RPS6KA3: variants seen among roughly 807,000 people sequenced by gnomAD.
RPS6KA3 encodes the protein ribosomal protein S6 kinase A3.
RPS6KA3 carries 4 observed loss-of-function variants against 67.2 expected under a neutral mutation model. The observed-to-expected ratio is 0.06, with a 90% CI of 0.03 to 0.14. The LOEUF (loss-of-function observed/expected upper bound fraction) is 0.14. RPS6KA3 is among the 10% of genes least tolerant of loss of function. RPS6KA3 has a pLI of 1.00. For missense variants in RPS6KA3, 204 were observed against 559.0 expected (o/e 0.36, Z 6.40); for synonymous variants, 182 against 183.7 (o/e 0.99, Z 0.07).
At chrX:20,255,259 T>C (rs1005444499) in intron 1 of RPS6KA3, among the ~76,000 whole-genome samples, 1 of 111,402 alleles carries the variant, frequency 9.0e-6, no homozygotes, top group African/African-American at 3.3e-5. Context: ...TCCATTAATA[T>C]GAAATGTCCA....
intron 2 of RPS6KA3, among the ~76,000 whole-genome samples, chrX:20,216,000 TTAA>T (rs35257847): frequency 0.32 from 35,819 of 110,747 alleles, 5,486 homozygotes; most frequent in African/African-American, 0.58. Context: ...AAATATTATG[TTAA>T]TAAACTGGAA....
At chrX:20,173,257 A>G (rs1203638940) in intron 14 of RPS6KA3, among the ~76,000 whole-genome samples, 1 of 112,170 alleles carries the variant, frequency 8.9e-6, no homozygotes, top group Non-Finnish European at 1.9e-5. Flanking sequence ...GAAAGGATTT[A>G]GGAGGATTCA....
intron 20 of RPS6KA3, among the ~76,000 whole-genome samples, chrX:20,158,558 T>C (rs1259069789): frequency 9.1e-6 from 1 of 110,157 alleles, no homozygotes; most frequent in African/African-American, 3.3e-5. Context: ...GGATACGCAA[T>C]TGAACAGAGC....
chrX:20,207,301 C>T lies in RPS6KA3; in HGVS notation c.243+1987G>A, dbSNP rs368344395. The stretch of plus-strand genomic sequence containing the variant: ...AGGGACTAGAAATATACATCAAGAA[C>T]GCTTCCCAAGTTTCTAAATTGCTTA... On this transcript the variant is annotated intron_variant, in intron 3 of 21. Coordinates refer to ENST00000379565, the MANE Select transcript of RPS6KA3 (RefSeq NM_004586.3). Among the ~76,000 whole-genome samples the T allele has an allele frequency of 8.9e-4, 99 of 111,492 alleles. 5 individuals are homozygous for T. Among genetic ancestry groups the T allele is most frequent in the East Asian group, 5.6e-4 (2 of 3,566 alleles).
intron 4 of RPS6KA3, among the ~76,000 whole-genome samples, chrX:20,197,972 C>A (rs1246086559): frequency 1.8e-5 from 2 of 111,814 alleles, no homozygotes; most frequent in African/African-American, 6.5e-5. Context: ...GTTCCTAGGA[C>A]TATGCATTAA....
chrX:20,168,456 T>C (rs2067493689), intron 16 of RPS6KA3, among the ~76,000 whole-genome samples: 1 of 111,458 alleles, frequency 9.0e-6, no homozygotes, highest in Non-Finnish European at 1.9e-5. Context: ...ATCAGGTGTA[T>C]GAGAAAGGGT....
intron 2 of RPS6KA3, among the ~76,000 whole-genome samples, chrX:20,221,076 A>C (rs761410889): frequency 8.9e-6 from 1 of 112,438 alleles, no homozygotes; most frequent in African/African-American, 3.2e-5. Context: ...TCTCCTAACC[A>C]GAATGTGAGC....
At chrX:20,181,411 C>T (rs1046784648) in intron 10 of RPS6KA3, among the ~76,000 whole-genome samples, 4 of 110,894 alleles carry the variant, frequency 3.6e-5, no homozygotes, top group Non-Finnish European at 7.6e-5. Flanking sequence ...GTGTCAAATA[C>T]TCAGAGATGC....
intron 1 of RPS6KA3, among the ~76,000 whole-genome samples, chrX:20,244,498 T>C (rs895199509): frequency 8.9e-6 from 1 of 112,666 alleles, no homozygotes; most frequent in Non-Finnish European, 1.9e-5. Flanking sequence ...CTACCTGTGT[T>C]ACACATATTC....
At chrX:20,252,225 T>C (rs1260212573) in intron 1 of RPS6KA3, among the ~76,000 whole-genome samples, 1 of 112,016 alleles carries the variant, frequency 8.9e-6, no homozygotes, top group Non-Finnish European at 1.9e-5. Flanking sequence ...GATTGCTCAC[T>C]GAGGCATTTT....
chrX:20,235,607 A>G (rs888199782), intron 1 of RPS6KA3: 5 of 111,303 alleles, frequency 4.5e-5, no homozygotes, highest in Non-Finnish European at 9.4e-5. Context: ...TGCCTTTCAA[A>G]TTGGTAATGA....
At chrX:20,235,983 T>A (rs1049227833) in intron 1 of RPS6KA3, among the ~76,000 whole-genome samples, 2 of 111,620 alleles carry the variant, frequency 1.8e-5, no homozygotes, top group East Asian at 5.6e-4. Flanking sequence ...TATGCAGTCA[T>A]TAAAATGATG....
chrX:20,234,901 T>C, intron 1 of RPS6KA3, 87 bp from the exon 2 acceptor site: 1 of 656,818 alleles, frequency 1.5e-6, no homozygotes, highest in Non-Finnish European at 2.5e-6. Flanking sequence ...AAAAAAAAAA[T>C]TGAGGAAGAT....
chrX:20,180,749 C>T (rs888938528), intron 10 of RPS6KA3, among the ~76,000 whole-genome samples: 1 of 112,131 alleles, frequency 8.9e-6, no homozygotes, highest in Admixed American at 9.5e-5. Context: ...GATTAGTGGT[C>T]TACTATATTT....
At chrX:20,155,828 G>A (rs780766651) in intron 21 of RPS6KA3, among the ~76,000 whole-genome samples, 1 of 112,013 alleles carries the variant, frequency 8.9e-6, no homozygotes, top group African/African-American at 3.3e-5. Flanking sequence ...AGACAGGAAG[G>A]CATGCTCTTT....
At chrX:20,212,676 C>G (rs1054995587) in intron 2 of RPS6KA3, among the ~76,000 whole-genome samples, 1 of 109,796 alleles carries the variant, frequency 9.1e-6, no homozygotes, top group Non-Finnish European at 1.9e-5. Flanking sequence ...GAGGTCGAGG[C>G]TACAGTGAGC....
intron 3 of RPS6KA3, among the ~76,000 whole-genome samples, chrX:20,207,852 T>C (rs965524696): frequency 2.0e-4 from 22 of 112,144 alleles, no homozygotes; most frequent in Middle Eastern, 4.7e-3. Context: ...AATTGCTAAA[T>C]ACCCCCACTA....
intron 1 of RPS6KA3, among the ~76,000 whole-genome samples, chrX:20,240,030 G>C (rs1328031818): frequency 9.1e-6 from 1 of 110,395 alleles, no homozygotes; most frequent in Admixed American, 9.7e-5. Context: ...ATTTCAGCAG[G>C]AGATCATCAT....
At position 20,193,480 on chromosome X, in the gene RPS6KA3, T is replaced by G. The variant is rs376556475; in HGVS notation, c.593+7A>C. On this transcript the variant is annotated splice_region_variant and intron_variant, in intron 7 of 21. Coordinates refer to ENST00000379565, the MANE Select transcript of RPS6KA3 (RefSeq NM_004586.3). ...ATTGTATTCAACTTAGTAGCATGATTCCTTACTTTTCTGGTTTTAAGTCTC... is the reference window on the plus strand; with the variant it reads ...ATTGTATTCAACTTAGTAGCATGATGCCTTACTTTTCTGGTTTTAAGTCTC... 8 of 1,004,738 alleles carry G rather than the reference T, an allele frequency of 8.0e-6. No individual in the cohort carries two copies. Among genetic ancestry groups the G allele is most frequent in the African/African-American group, 1.9e-5 (1 of 53,508 alleles). The allele number at this position is 1,004,738 out of a possible 1,213,427, so 82.8% of individuals were successfully genotyped here.
Sources: allele counts gnomAD v4.1 joint callset (sites outside exome capture counted in the v4.1 genomes callset), GRCh38; gene constraint gnomAD v4.1.1; transcripts MANE v1.5; gene names NCBI Gene and HGNC (gene_info 2026-07-23, HGNC 2026-07-21).